ERBB4: variants seen among roughly 807,000 people sequenced by gnomAD.
ERBB4 encodes the protein erb-b2 receptor tyrosine kinase 4.
In ERBB4, 42 loss-of-function variants were observed where a neutral mutation model predicts 158.0. The ratio of observed to expected loss-of-function variants is 0.27; its 90% CI spans 0.21 to 0.34. The LOEUF (loss-of-function observed/expected upper bound fraction) is 0.34, where lower values mean the gene tolerates loss of function less well. ERBB4 is among the 10% of genes least tolerant of loss of function. The probability of loss-of-function intolerance (pLI) is 1.00; values close to 1 mark genes in which losing one functional copy is unlikely to be tolerated. For missense variants in ERBB4, 1,333 were observed against 1,624.1 expected (o/e 0.82, Z 3.08); for synonymous variants, 583 against 558.7 (o/e 1.04, Z -0.61).
intron 19 of ERBB4, among the ~76,000 whole-genome samples, chr2:211,606,250 T>A (rs2068974618): frequency 6.6e-6 from 1 of 152,136 alleles, no homozygotes; most frequent in Non-Finnish European, 1.5e-5. Context: ...ATATCTGGGC[T>A]ATTTCTAAAT....
chr2:211,650,677 G>C (rs1186087261), intron 16 of ERBB4, among the ~76,000 whole-genome samples: 3 of 152,014 alleles, frequency 2.0e-5, no homozygotes, highest in African/African-American at 7.2e-5. Flanking sequence ...GACTGGGCTG[G>C]AGCAGTGCAG....
intron 1 of ERBB4, among the ~76,000 whole-genome samples, chr2:212,511,975 T>C (rs920564484): frequency 6.6e-6 from 1 of 152,174 alleles, no homozygotes; most frequent in South Asian, 2.1e-4. Flanking sequence ...TTCCCCTGTG[T>C]TTCTCTTTTC....
chr2:211,772,870 C>T (rs867484056), intron 4 of ERBB4, among the ~76,000 whole-genome samples: 40 of 58,904 alleles, frequency 6.8e-4, no homozygotes, highest in South Asian at 3.2e-3. Context: ...TATATATATA[C>T]ACATATATAT....
chr2:212,197,077 C>T lies in ERBB4; in HGVS notation c.83-72174G>A, dbSNP rs577848393. ...GCCTGCTGACCAACTCCTTTATACA[C>T]CCCTAATTTTAGTCAGCTGGGGGAA... On this transcript the variant is annotated intron_variant, in intron 1 of 27. Coordinates refer to ENST00000342788, the MANE Select transcript of ERBB4 (RefSeq NM_005235.3). Among the ~76,000 whole-genome samples the T allele has an allele frequency of 4.2e-4, 64 of 152,144 alleles. 4 individuals carry two copies. In the South Asian group the frequency reaches 0.013, roughly 31 times the overall value.
intron 25 of ERBB4, among the ~76,000 whole-genome samples, chr2:211,418,171 G>A (rs921544891): frequency 4.7e-5 from 7 of 149,758 alleles, no homozygotes; most frequent in African/African-American, 1.5e-4. Flanking sequence ...CCCTTAGCAC[G>A]TTATTTAGCC....
At chr2:211,840,252 C>A (rs1056961462) in intron 3 of ERBB4, among the ~76,000 whole-genome samples, 1 of 152,044 alleles carries the variant, frequency 6.6e-6, no homozygotes. Context: ...CTTGCACACT[C>A]GCTTTGCCTG....
At chr2:211,970,327 T>C (rs1192606706) in intron 2 of ERBB4, among the ~76,000 whole-genome samples, 2 of 152,148 alleles carry the variant, frequency 1.3e-5, no homozygotes, top group Admixed American at 6.5e-5. Flanking sequence ...TTTAGAGTAA[T>C]TGCCATGTGG....
intron 2 of ERBB4, among the ~76,000 whole-genome samples, chr2:211,975,561 C>G (rs1468669846): frequency 1.3e-5 from 2 of 152,102 alleles, no homozygotes; most frequent in African/African-American, 2.4e-5. Flanking sequence ...AAGTAAACTA[C>G]AAGTTTACAC....
At chr2:212,053,559 A>G (rs1243934343) in intron 2 of ERBB4, among the ~76,000 whole-genome samples, 3 of 152,148 alleles carry the variant, frequency 2.0e-5, no homozygotes, top group African/African-American at 4.8e-5. Flanking sequence ...AATTCTAAAA[A>G]TGCCTCCATG....
At chr2:212,042,777 G>T (rs912728809) in intron 2 of ERBB4, among the ~76,000 whole-genome samples, 1 of 152,054 alleles carries the variant, frequency 6.6e-6, no homozygotes, top group Non-Finnish European at 1.5e-5. Context: ...CAAAATACTT[G>T]TCATCCACAT....
chr2:212,221,474 T>C (rs1424800644), intron 1 of ERBB4, among the ~76,000 whole-genome samples: 2 of 151,488 alleles, frequency 1.3e-5, no homozygotes, highest in East Asian at 3.9e-4. Context: ...GCAGTCAGGT[T>C]TGGGAATACA....
chr2:211,672,069 A>G (rs1007970101), intron 14 of ERBB4, among the ~76,000 whole-genome samples: 1 of 151,982 alleles, frequency 6.6e-6, no homozygotes, highest in Non-Finnish European at 1.5e-5. Flanking sequence ...GAACTGGCCA[A>G]TTTTTCCACA....
chr2:211,555,373 C>T (rs192425115), intron 20 of ERBB4, among the ~76,000 whole-genome samples: 284 of 152,074 alleles, frequency 1.9e-3, no homozygotes, highest in Non-Finnish European at 2.5e-3. Context: ...TTAGTAGAGG[C>T]GGGGTTTCTC....
chr2:212,258,999 T>A (rs2084839506), intron 1 of ERBB4, among the ~76,000 whole-genome samples: 2 of 152,040 alleles, frequency 1.3e-5, no homozygotes, highest in African/African-American at 4.8e-5. Context: ...AATACATTTT[T>A]AAAAAAAGAT....
chr2:211,881,923 C>T (rs759213554), intron 3 of ERBB4, among the ~76,000 whole-genome samples: 18 of 152,232 alleles, frequency 1.2e-4, no homozygotes, highest in Non-Finnish European at 2.5e-4. Flanking sequence ...TGGGGGGATG[C>T]TCAAGGCATT....
intron 2 of ERBB4, among the ~76,000 whole-genome samples, chr2:212,060,710 A>C (rs2077735853): frequency 6.7e-6 from 1 of 150,030 alleles, no homozygotes; most frequent in South Asian, 2.1e-4. Context: ...TATCTCAAGG[A>C]TAAAAAACCA....
intron 1 of ERBB4, among the ~76,000 whole-genome samples, chr2:212,354,307 G>A (rs771752929): frequency 4.6e-5 from 7 of 152,088 alleles, no homozygotes; most frequent in Non-Finnish European, 1.0e-4. Context: ...ATTTTTGAAT[G>A]ATTGAAGAGC....
chr2:211,880,589 A>T (rs2078635068), intron 3 of ERBB4, among the ~76,000 whole-genome samples: 1 of 152,208 alleles, frequency 6.6e-6, no homozygotes, highest in Non-Finnish European at 1.5e-5. Flanking sequence ...ATAAACCCAT[A>T]CTAACATGTT....
At chr2:212,081,350 T>C (rs1423606193) in intron 2 of ERBB4, among the ~76,000 whole-genome samples, 10 of 151,990 alleles carry the variant, frequency 6.6e-5, no homozygotes, top group Admixed American at 4.6e-4. Flanking sequence ...TTATATGACA[T>C]ACAAAAAGGA....
Sources: gnomAD v4.1 joint callset for allele counts (sites outside exome capture counted in the v4.1 genomes callset) on GRCh38, gnomAD v4.1.1 for gene constraint, MANE v1.5 for transcripts, NCBI Gene and HGNC (gene_info 2026-07-23, HGNC 2026-07-21) for gene names.